The following SMPDL3B variants were observed in gnomAD, a reference collection of about 807,000 sequenced individuals.
The protein encoded by SMPDL3B is sphingomyelin phosphodiesterase acid like 3B, also known as acid sphingomyelinase-like phosphodiesterase 3b.
SMPDL3B carries 31 observed loss-of-function variants against 37.9 expected under a neutral mutation model. That is an observed-to-expected ratio of 0.82 (90% CI 0.61 to 1.10). SMPDL3B has a LOEUF of 1.10. SMPDL3B is among the 50% of genes least tolerant of loss of function. SMPDL3B has a pLI of 0.00. For missense variants in SMPDL3B, 525 were observed against 597.8 expected, an observed-to-expected ratio of 0.88 and a Z score of 1.27; for synonymous variants, 235 against 242.6, an observed-to-expected ratio of 0.97 and a Z score of 0.29.
At chr1:27,939,128 G>C (rs1341687757) in intron 1 of SMPDL3B, 1 of 152,154 alleles carries the variant, frequency 6.6e-6, no homozygotes, top group Non-Finnish European at 1.5e-5. Flanking sequence ...TTGTCATGAG[G>C]CTGCATGGAT....
intron 3 of SMPDL3B, among the ~76,000 whole-genome samples, chr1:27,949,379 T>C (rs2090436672): frequency 6.6e-6 from 1 of 152,150 alleles, no homozygotes; most frequent in Non-Finnish European, 1.5e-5. Flanking sequence ...CAGAATCCTA[T>C]CAAAGGAAAT....
chr1:27,950,594 C>T (rs951727677), intron 3 of SMPDL3B, among the ~76,000 whole-genome samples: 2 of 152,150 alleles, frequency 1.3e-5, no homozygotes, highest in East Asian at 3.9e-4. Context: ...GTTGGGATTA[C>T]AGGCACACGC....
At chr1:27,952,450 T>C (rs1247525399) in intron 3 of SMPDL3B, among the ~76,000 whole-genome samples, 2 of 152,198 alleles carry the variant, frequency 1.3e-5, no homozygotes, top group Non-Finnish European at 2.9e-5. Context: ...AGAGTTATTT[T>C]TGTTGATTGT....
chr1:27,943,422 G>T (rs1183025762), intron 1 of SMPDL3B, among the ~76,000 whole-genome samples: 1 of 152,126 alleles, frequency 6.6e-6, no homozygotes, highest in Admixed American at 6.5e-5. Context: ...AGGGTCAGGG[G>T]CCAGCCTTTA....
In SMPDL3B at chr1:27,958,687, AC is replaced by A. The variant is rs1273918445; in HGVS notation, c.1218del (p.Asp406GlufsTer39). 1 of 1,613,826 alleles carries A rather than the reference AC, an allele frequency of 6.2e-7. No homozygotes were observed. The highest frequency in any genetic ancestry group is 1.3e-5 in the African/African-American group (1 of 74,946). ...NSVSYSAGVC[D>X]EACSMQHVCA... is the part of the protein sequence containing the mutation. ...GTCAGCTACTCTGCTGGGGTCTGCG[AC>A]GAGGCCTGCAGCATGCAGCACGTGT... On this transcript the variant is annotated frameshift_variant, in exon 8 of 8. Coordinates refer to ENST00000373894, the MANE Select transcript of SMPDL3B (RefSeq NM_014474.4). LOFTEE classifies it low-confidence loss of function (END_TRUNC). This position sits in a 1 kb window ranked among gnomAD's most constrained non-coding sequence, Gnocchi z 5.6.
chr1:27,957,986 C>G (rs893247135), intron 7 of SMPDL3B, among the ~76,000 whole-genome samples: 3 of 152,214 alleles, frequency 2.0e-5, no homozygotes, highest in African/African-American at 7.2e-5. Context: ...ATAAATGTAC[C>G]TGGAACCCGC....
In SMPDL3B at chr1:27,958,121, A is replaced by G. The variant is rs187542874; in HGVS notation, c.1006-355A>G. Among the ~76,000 whole-genome samples the G allele has an allele frequency of 1.3e-5, 2 of 152,238 alleles. No individual in the cohort carries two copies. The highest frequency in any genetic ancestry group is 1.9e-4 in the East Asian group (1 of 5,194). On this transcript the variant is annotated intron_variant, in intron 7 of 7. Coordinates refer to ENST00000373894, the MANE Select transcript of SMPDL3B (RefSeq NM_014474.4). The surrounding 1 kb of genome is among the most constrained non-coding windows in gnomAD (Gnocchi z 5.6). ...TGTTGCTTTTATCTATTCATTATGT[A>G]AATATTTACTGAGCGTCTTCTATGT... is the stretch of plus-strand genomic sequence containing the variant.
intron 3 of SMPDL3B, among the ~76,000 whole-genome samples, chr1:27,949,541 A>G (rs2090437976): frequency 6.6e-6 from 1 of 151,842 alleles, no homozygotes; most frequent in Non-Finnish European, 1.5e-5. Flanking sequence ...TCACCCTCAA[A>G]CTGTCCTGGC....
intron 1 of SMPDL3B, among the ~76,000 whole-genome samples, chr1:27,942,704 G>A (rs575300494): frequency 7.0e-5 from 10 of 142,256 alleles, no homozygotes; most frequent in Non-Finnish European, 1.1e-4. Flanking sequence ...TCGCTCTGTC[G>A]CCAGGCTGGA....
intron 1 of SMPDL3B, among the ~76,000 whole-genome samples, chr1:27,940,393 T>C (rs1185752777): frequency 6.6e-6 from 1 of 152,154 alleles, no homozygotes; most frequent in East Asian, 1.9e-4. Flanking sequence ...GAGGGGGCCT[T>C]GTAGAACCCC....
intron 7 of SMPDL3B, chr1:27,956,326 G>A (rs1638274008): frequency 6.9e-7 from 1 of 1,447,806 alleles, no homozygotes; most frequent in Non-Finnish European, 9.1e-7. Context: ...TGGTCTCCCT[G>A]CCTCTGGCCC....
chr1:27,943,727 G>A (rs1211267490), intron 1 of SMPDL3B, among the ~76,000 whole-genome samples: 2 of 152,094 alleles, frequency 1.3e-5, no homozygotes, highest in East Asian at 1.9e-4. Context: ...GGCCAGGTGC[G>A]GTGGCTCACG....
intron 3 of SMPDL3B, 90 bp downstream of exon 3, chr1:27,949,252 G>A: frequency 4.5e-6 from 6 of 1,345,258 alleles, no homozygotes; most frequent in Non-Finnish European, 6.3e-6. Flanking sequence ...CGAGTGTCCT[G>A]GCTGACCTTC....
chr1:27,947,589 GC>G lies in SMPDL3B; in HGVS notation c.276-1474del, dbSNP rs1429954359. On this transcript the variant is annotated intron_variant, in intron 2 of 7. Coordinates refer to ENST00000373894, the MANE Select transcript of SMPDL3B (RefSeq NM_014474.4). ...GCCGAAATTGCGCCACTGCACTCCA[GC>G]CTGGGTGACAGAGCGAGACTCCATC... 1.4e-3 allele frequency among the ~76,000 whole-genome samples: 189 copies of G among 138,696 alleles called. 1 individual carries two copies. Among genetic ancestry groups the G allele is most frequent in the African/African-American group, 5.0e-3 (182 of 36,510 alleles). The allele number at this position is 138,696 out of a possible 152,430, so 91.0% of individuals were successfully genotyped here.
chr1:27,944,372 G>A (rs760843028), intron 1 of SMPDL3B, among the ~76,000 whole-genome samples: 12 of 151,644 alleles, frequency 7.9e-5, no homozygotes, highest in Non-Finnish European at 1.2e-4. Context: ...GTTTTGTTTT[G>A]GAGACAGAGT....
At chr1:27,954,264 A>G in intron 4 of SMPDL3B, 90 bp from the exon 5 acceptor site, 1 of 1,252,526 alleles carries the variant, frequency 8.0e-7, no homozygotes, top group Middle Eastern at 2.8e-4. Context: ...GATGCAACGG[A>G]AAAAGAAAGT....
chr1:27,954,287 T>C (rs1571662854), intron 4 of SMPDL3B, 67 bp from the exon 5 acceptor site: 2 of 1,429,704 alleles, frequency 1.4e-6, no homozygotes, highest in Non-Finnish European at 9.5e-7. Flanking sequence ...GACATTGAGG[T>C]GGAAGGGGCG....
At chr1:27,953,487 T>C (rs1179501325) in intron 4 of SMPDL3B, 129 bp downstream of exon 4, 2 of 849,444 alleles carry the variant, frequency 2.4e-6, no homozygotes, top group South Asian at 1.9e-5. Context: ...GCCAGGGTCA[T>C]ACAGCTTAGA....
In SMPDL3B at chr1:27,938,635, C is replaced by T. The variant is rs1017542418; in HGVS notation, c.61+3391C>T. 2.6e-5 allele frequency among the ~76,000 whole-genome samples: 4 copies of T among 152,208 alleles called. 1 individual carries two copies. The highest frequency in any genetic ancestry group is 4.8e-5 in the African/African-American group (2 of 41,456). ...ATACACACAGATGGTCCCTGACTTA[C>T]GAAGATTCCACTAAGCTGTATGATG... On this transcript the variant is annotated intron_variant, in intron 1 of 7. Coordinates refer to ENST00000373894, the MANE Select transcript of SMPDL3B (RefSeq NM_014474.4).
Sources: gnomAD v4.1 joint callset for allele counts (sites outside exome capture counted in the v4.1 genomes callset) on GRCh38, gnomAD v4.1.1 for gene constraint, Gnocchi (gnomAD v3.1) non-coding constraint, MANE v1.5 for transcripts, NCBI Gene and HGNC (gene_info 2026-07-23, HGNC 2026-07-21) for gene names.